Variants in CHD1L observed in about 807,000 individuals in gnomAD.
CHD1L encodes the protein ATP-dependent chromatin remodeler CHD1L.
Under a neutral mutation model 115.9 loss-of-function variants are expected in CHD1L, and 118 were observed. The observed-to-expected ratio is 1.02, with a 90% CI of 0.88 to 1.19. The LOEUF is 1.19. CHD1L is among the 50% of genes most tolerant of loss of function. The pLI is 0.00. For missense variants in CHD1L, 1,179 were observed against 1,065.3 expected (o/e 1.11, Z -1.49); for synonymous variants, 411 against 387.1 (o/e 1.06, Z -0.72).
At chr1:147,267,937 CTCAG>C (rs781988464) in intron 9 of CHD1L, among the ~76,000 whole-genome samples, 3 of 152,150 alleles carry the variant, frequency 2.0e-5, no homozygotes, top group Non-Finnish European at 2.9e-5. Flanking sequence ...CTTGAATTGA[CTCAG>C]TCAGCCTTTC....
intron 20 of CHD1L, among the ~76,000 whole-genome samples, chr1:147,293,369 G>T (rs1214993201): frequency 2.0e-5 from 3 of 151,866 alleles, no homozygotes; most frequent in Non-Finnish European, 4.4e-5. Context: ...TCATTCTCTG[G>T]TTTTAAAGTA....
At chr1:147,274,926 C>T (rs1677740491) in intron 12 of CHD1L, among the ~76,000 whole-genome samples, 4 of 152,150 alleles carry the variant, frequency 2.6e-5, no homozygotes, top group South Asian at 2.1e-4. Flanking sequence ...AACTTGCAAG[C>T]GACATTCGGC....
At chr1:147,291,601 C>T in intron 20 of CHD1L, 49 bp downstream of exon 20, 2 of 1,481,230 alleles carry the variant, frequency 1.4e-6, no homozygotes, top group Middle Eastern at 1.7e-4. Context: ...CTCACATCAA[C>T]TTCTCTTGAA....
intron 2 of CHD1L, among the ~76,000 whole-genome samples, chr1:147,254,068 A>G (rs1432763263): frequency 1.3e-5 from 2 of 152,184 alleles, no homozygotes; most frequent in Non-Finnish European, 2.9e-5. Flanking sequence ...TCTCAGAAAT[A>G]GCTCAGCATT....
intron 4 of CHD1L, 37 bp from the exon 5 acceptor site, chr1:147,256,494 A>T (rs12119390): frequency 6.3e-7 from 1 of 1,588,874 alleles, no homozygotes; most frequent in African/African-American, 1.3e-5. Flanking sequence ...GAGTTTATCA[A>T]TGCCAGCCTT....
At chr1:147,285,178 C>A (rs377137355) in intron 16 of CHD1L, 146 bp from the exon 17 acceptor site, 19 of 902,622 alleles carry the variant, frequency 2.1e-5, no homozygotes, top group African/African-American at 3.4e-5. Flanking sequence ...AGTGCTTTGC[C>A]TCCAGTTCCC....
chr1:147,230,067 A>G, the CHD1L span, among the ~76,000 whole-genome samples: 409 of 98,802 alleles, frequency 4.1e-3, 35 homozygotes, highest in Non-Finnish European at 6.3e-3. Flanking sequence ...GTGGTGAGAG[A>G]GGGCATCCCT....
intron 6 of CHD1L, 71 bp from the exon 7 acceptor site, chr1:147,264,351 G>A (rs1673083049): frequency 1.5e-6 from 2 of 1,360,902 alleles, no homozygotes; most frequent in Admixed American, 4.6e-5. Flanking sequence ...GTGGGTAAAG[G>A]TTGTGATGGG....
chr1:147,203,444 A>G, the CHD1L span: 1 of 839,328 alleles, frequency 1.2e-6, no homozygotes, highest in Non-Finnish European at 2.1e-6. Flanking sequence ...CCAGCTTCCA[A>G]CATGTCCGTT....
At chr1:147,212,283 T>C in the CHD1L span, 2 of 1,137,720 alleles carry the variant, frequency 1.8e-6, no homozygotes, top group Non-Finnish European at 2.5e-6. Context: ...CCACTGGCAC[T>C]GAAGGGCTAT....
intron 13 of CHD1L, among the ~76,000 whole-genome samples, chr1:147,275,719 A>T (rs958078895): frequency 3.3e-5 from 5 of 150,590 alleles, no homozygotes; most frequent in Non-Finnish European, 7.4e-5. Flanking sequence ...CATTTAACTC[A>T]TCCTTCTTGA....
chr1:147,200,063 G>A, the CHD1L span, among the ~76,000 whole-genome samples: 2 of 151,922 alleles, frequency 1.3e-5, no homozygotes, highest in Admixed American at 6.6e-5. Context: ...CTCCTGCCCC[G>A]GCCCAGTGAG....
the CHD1L span, chr1:147,213,556 A>T: frequency 4.3e-6 from 5 of 1,158,562 alleles, no homozygotes; most frequent in South Asian, 9.4e-5. Flanking sequence ...TATCACAGAC[A>T]CTATCACATA....
At chr1:147,292,349 TGCATCTTAG>T (rs1239911803) in intron 20 of CHD1L, among the ~76,000 whole-genome samples, 1 of 152,226 alleles carries the variant, frequency 6.6e-6, no homozygotes, top group Non-Finnish European at 1.5e-5. Flanking sequence ...AGAATCCTTT[TGCATCTTAG>T]GCATCTTGGG....
chr1:147,210,061 T>C, the CHD1L span: 1 of 152,214 alleles, frequency 6.6e-6, no homozygotes, highest in African/African-American at 2.4e-5. Context: ...TGCTAGGTCC[T>C]TCATCTATAT....
intron 16 of CHD1L, 134 bp from the exon 17 acceptor site, chr1:147,285,190 C>T: frequency 9.9e-7 from 1 of 1,006,072 alleles, no homozygotes; most frequent in South Asian, 1.8e-5. Context: ...CCAGTTCCCA[C>T]CATGCAGGGT....
intron 15 of CHD1L, among the ~76,000 whole-genome samples, chr1:147,280,928 G>A (rs1553961542): frequency 6.6e-6 from 1 of 152,154 alleles, no homozygotes; most frequent in African/African-American, 2.4e-5. Flanking sequence ...TAATTCACCA[G>A]TACTTTCTTT....
the CHD1L span, chr1:147,209,098 A>G: frequency 6.5e-7 from 1 of 1,537,252 alleles, no homozygotes; most frequent in Admixed American, 1.7e-5. Context: ...AGATTCGTAA[A>G]CCTTCAAAAG....
chr1:147,287,503 GA>G, intron 18 of CHD1L, 131 bp from the exon 19 acceptor site: 2 of 614,996 alleles, frequency 3.3e-6, no homozygotes, highest in Non-Finnish European at 5.6e-6. Flanking sequence ...ATATTCCTAG[GA>G]GATAAGATAT....
Sources: gnomAD v4.1 joint callset for allele counts (sites outside exome capture counted in the v4.1 genomes callset) on GRCh38, gnomAD v4.1.1 for gene constraint, MANE v1.5 for transcripts, NCBI Gene and HGNC (gene_info 2026-07-23, HGNC 2026-07-21) for gene names.